The following MYO16 variants were observed in gnomAD, a reference collection of about 807,000 sequenced individuals.
MYO16 encodes the protein unconventional myosin-XVI.
In MYO16, 94 loss-of-function variants were observed where a neutral mutation model predicts 205.3. The ratio of observed to expected loss-of-function variants is 0.46; its 90% CI spans 0.39 to 0.54. The LOEUF (loss-of-function observed/expected upper bound fraction) is 0.54. MYO16 is among the 20% of genes least tolerant of loss of function. The pLI, the probability that MYO16 is intolerant of heterozygous loss-of-function variation, is 0.00. For synonymous variants in MYO16, 988 were observed against 954.0 expected, an observed-to-expected ratio of 1.04 and a Z score of -0.66; for missense variants, 2,315 against 2,387.5, an observed-to-expected ratio of 0.97 and a Z score of 0.63.
At chr13:108,957,379 A>G in intron 16 of MYO16, among the ~76,000 whole-genome samples, 1 of 71,806 alleles carries the variant, frequency 1.4e-5, no homozygotes, top group South Asian at 6.8e-4. Flanking sequence ...GTGAAACTCC[A>G]TCTCAAAAAA....
At chr13:108,861,282 T>C (rs551675148) in intron 11 of MYO16, among the ~76,000 whole-genome samples, 2 of 152,328 alleles carry the variant, frequency 1.3e-5, no homozygotes, top group South Asian at 4.1e-4. Flanking sequence ...TTTATATAAA[T>C]GCAATCTGTT....
At position 109,132,197 on chromosome 13, in the gene MYO16, G is replaced by A. The variant is rs780678012; in HGVS notation, c.4051+4647G>A. ...GCTTGGAGTGACGGTTGCTCAAGGT[G>A]AAATTGCAGAAGCAAGCTTTTCTCA... On this transcript the variant is annotated intron_variant, in intron 31 of 34. Coordinates refer to ENST00000457511, the MANE Select transcript of MYO16 (RefSeq NM_001198950.3). Among the ~76,000 whole-genome samples, 4 of 152,328 alleles carry A rather than the reference G, an allele frequency of 2.6e-5. No homozygotes were observed. In the Middle Eastern group the frequency reaches 0.01, roughly 389 times the overall value.
At chr13:108,540,736 C>T in the MYO16 span, among the ~76,000 whole-genome samples, 1 of 152,032 alleles carries the variant, frequency 6.6e-6, no homozygotes, top group Non-Finnish European at 1.5e-5. Flanking sequence ...ATGAGTGCTG[C>T]AAAGAGCCCA....
In MYO16 at chr13:109,207,051, A is replaced by G. The variant is rs1880631038; in HGVS notation, c.*215A>G. 1.1e-5 allele frequency: 6 copies of G among 535,778 alleles called. No individual in the cohort carries two copies. The highest frequency in any genetic ancestry group is 2.0e-5 in the Non-Finnish European group (6 of 299,744). 33.2% of individuals were successfully genotyped at this position (535,778 alleles called of 1,614,324 possible). A position where few individuals can be genotyped will look rare whatever the true frequency, so the allele number is the denominator to read the frequency against. ...TCTTTCTTATCCATCTCGTGGTGAT[A>G]CACTCTGATTTTCAAGCTCCTCATT... is the stretch of plus-strand genomic sequence containing the variant. On this transcript the variant is annotated 3_prime_UTR_variant, in exon 35 of 35. Transcript: ENST00000457511.
At chr13:108,763,616 A>T (rs1038583215) in intron 4 of MYO16, among the ~76,000 whole-genome samples, 3 of 152,140 alleles carry the variant, frequency 2.0e-5, no homozygotes, top group East Asian at 1.9e-4. Flanking sequence ...TCCAGATGGG[A>T]GGGATGGTGC....
At chr13:108,549,190 G>C in the MYO16 span, among the ~76,000 whole-genome samples, 1 of 152,216 alleles carries the variant, frequency 6.6e-6, no homozygotes, top group Non-Finnish European at 1.5e-5. Context: ...TTGCAAATGA[G>C]ATTAAGTTAG....
At chr13:109,053,275 A>G (rs978120476) in intron 25 of MYO16, among the ~76,000 whole-genome samples, 3 of 152,094 alleles carry the variant, frequency 2.0e-5, no homozygotes, top group Non-Finnish European at 4.4e-5. Flanking sequence ...ATTAAATTCA[A>G]TTCTATTTTA....
Position 109,141,196 on chromosome 13 carries a change from G to T in MYO16, c.4984G>T (p.Val1662Leu). 1 of 1,606,588 alleles carries T rather than the reference G, an allele frequency of 6.2e-7. No homozygotes were observed. Among genetic ancestry groups the T allele is most frequent in the Non-Finnish European group, 8.5e-7 (1 of 1,176,426 alleles). Reference protein sequence around the residue: ...SSFPKIPYSPVKATRADARKA... With the variant: ...SSFPKIPYSPLKATRADARKA... Reference sequence around the variant, plus strand: ...CTTCCCCAAGATCCCATATTCCCCCGTGAAGGCCACCAGGGCGGACGCCAG... The same window carrying T: ...CTTCCCCAAGATCCCATATTCCCCCTTGAAGGCCACCAGGGCGGACGCCAG... The change falls in exon 32 of 35, where the codon GTG becomes TTG. Residue 1662 changes from valine to leucine, a missense_variant. Coordinates refer to ENST00000457511, the MANE Select transcript of MYO16 (RefSeq NM_001198950.3). The surrounding 1 kb of genome is among the most constrained non-coding windows in gnomAD (Gnocchi z 4.1).
chr13:108,876,955 C>T (rs756194358), intron 12 of MYO16, among the ~76,000 whole-genome samples: 2 of 152,040 alleles, frequency 1.3e-5, no homozygotes, highest in South Asian at 2.1e-4. Flanking sequence ...CGTGAGTCAC[C>T]GCGCCCAGCC....
At chr13:108,806,417 C>T (rs145669156) in intron 6 of MYO16, among the ~76,000 whole-genome samples, 4 of 152,100 alleles carry the variant, frequency 2.6e-5, no homozygotes, top group South Asian at 2.1e-4. Context: ...AAATGGAACT[C>T]GGAGGGGGAT....
rs752583450 is a variant in MYO16, at chr13:108,666,174, G to A, written c.292+25G>A. The A allele has an allele frequency of 1.3e-5, 21 of 1,559,734 alleles. No homozygotes were observed. The Admixed American group carries it at 2.0e-4, about 15-fold the overall frequency. On this transcript the variant is annotated intron_variant, in intron 2 of 34. Transcript: ENST00000457511. Reference sequence around the variant, plus strand: ...GGTACATGATAAGAAAGAAGGACCCGTTTTCTGATGTGATTTTTCATGATT... The same window carrying A: ...GGTACATGATAAGAAAGAAGGACCCATTTTCTGATGTGATTTTTCATGATT...
intron 15 of MYO16, among the ~76,000 whole-genome samples, chr13:108,905,108 G>A (rs1055507889): frequency 6.6e-6 from 1 of 152,046 alleles, no homozygotes; most frequent in African/African-American, 2.4e-5. Flanking sequence ...AACAAATCAA[G>A]TTGTAAAACC....
At chr13:108,741,409 G>A (rs747670569) in intron 4 of MYO16, among the ~76,000 whole-genome samples, 2 of 152,136 alleles carry the variant, frequency 1.3e-5, no homozygotes, top group Non-Finnish European at 2.9e-5. Context: ...ACACTGGATA[G>A]CACCTTAGCA....
intron 14 of MYO16, among the ~76,000 whole-genome samples, chr13:108,894,227 GTC>G (rs1315298857): frequency 1.3e-5 from 2 of 152,118 alleles, no homozygotes; most frequent in African/African-American, 4.8e-5. Flanking sequence ...CCCCCACCGG[GTC>G]TCTCCTTTGA....
chr13:109,107,855 CTGTGTG>C (rs992904453), intron 28 of MYO16, among the ~76,000 whole-genome samples: 2 of 81,270 alleles, frequency 2.5e-5, no homozygotes, highest in Non-Finnish European at 5.3e-5. Context: ...GTGTGTGTGT[CTGTGTG>C]TGTGTATTTC....
In MYO16 at chr13:108,793,558, C is replaced by T; in HGVS notation, c.659C>T (p.Pro220Leu). The change falls in exon 6 of 35, where the codon CCA (proline) becomes CTA (leucine). Residue 220 changes from proline (P) to leucine (L), a missense_variant. Pro to Leu is a moderately conservative substitution (Grantham distance 98, BLOSUM62 -3). This residue lies in a region of MYO16 where 1,213 missense variants were observed against 1,274.4 expected (regional missense o/e 0.95). Coordinates refer to ENST00000457511, the MANE Select transcript of MYO16 (RefSeq NM_001198950.3). ...CTGCGCCAGATGAAGCTTCAGAGAC[C>T]AATGAGTATGTTAACAGATGTCAAA... ...TSLRQMKLQR[P>L]MSMLTDVKHF... is the part of the protein sequence containing the mutation. 6.2e-7 allele frequency: 1 copy of T among 1,613,696 alleles called. No homozygotes were observed. The highest frequency in any genetic ancestry group is 8.5e-7 in the Non-Finnish European group (1 of 1,179,706).
chr13:108,559,476 T>C, the MYO16 span, among the ~76,000 whole-genome samples: 198 of 133,078 alleles, frequency 1.5e-3, no homozygotes, highest in Middle Eastern at 4.1e-3. Flanking sequence ...TTTTCTTTTT[T>C]TTTTTTTTTT....
intron 28 of MYO16, 36 bp from the exon 29 acceptor site, chr13:109,120,334 A>G (rs372963789): frequency 2.8e-6 from 4 of 1,407,956 alleles, no homozygotes; most frequent in Non-Finnish European, 4.0e-6. Flanking sequence ...TGGTATCTTC[A>G]TGCTGTTAAA....
intron 34 of MYO16, among the ~76,000 whole-genome samples, chr13:109,187,621 CTT>C (rs1879739829): frequency 6.6e-6 from 1 of 152,294 alleles, no homozygotes; most frequent in African/African-American, 2.4e-5. Flanking sequence ...GGGACTTTCT[CTT>C]TGGCTAATAC....
Sources: allele counts gnomAD v4.1 joint callset (sites outside exome capture counted in the v4.1 genomes callset), GRCh38; gene constraint gnomAD v4.1.1; regional missense constraint gnomAD v4.1.1; non-coding constraint Gnocchi (gnomAD v3.1); transcripts MANE v1.5; gene names NCBI Gene and HGNC (gene_info 2026-07-23, HGNC 2026-07-21).